Variants in APBB2 observed in about 807,000 individuals in gnomAD.
APBB2 encodes Fe65-like 1.
APBB2 carries 38 observed loss-of-function variants against 82.5 expected under a neutral mutation model. The observed-to-expected ratio is 0.46, with a 90% CI of 0.36 to 0.60. The LOEUF is 0.60. Among genes scored for constraint, APBB2 ranks in the 20% least tolerant of loss-of-function variants. The probability of loss-of-function intolerance (pLI) is 0.00; values close to 1 mark genes in which losing one functional copy is unlikely to be tolerated. For synonymous variants in APBB2, 341 were observed against 368.2 expected, an observed-to-expected ratio of 0.93 and a Z score of 0.85; for missense variants, 772 against 972.3, an observed-to-expected ratio of 0.79 and a Z score of 2.74.
chr4:40,971,584 G>T (rs1419356813), intron 6 of APBB2, among the ~76,000 whole-genome samples: 1 of 152,148 alleles, frequency 6.6e-6, no homozygotes, highest in African/African-American at 2.4e-5. Flanking sequence ...CATGGCTTCT[G>T]CAATATTTTT....
chr4:41,075,812 A>C (rs1735452288), intron 3 of APBB2, among the ~76,000 whole-genome samples: 2 of 152,226 alleles, frequency 1.3e-5, no homozygotes, highest in African/African-American at 4.8e-5. Context: ...ATATTCTCAA[A>C]CCAACAAAAC....
At chr4:40,863,049 G>T (rs974153478) in intron 12 of APBB2, among the ~76,000 whole-genome samples, 22 of 152,158 alleles carry the variant, frequency 1.4e-4, no homozygotes, top group African/African-American at 4.8e-4. Context: ...TGTCAGAGGA[G>T]AAAGTCAGAT....
chr4:40,832,013 TAC>T lies in APBB2; in HGVS notation c.1530-1438_1530-1437del, dbSNP rs1553930075. Among the ~76,000 whole-genome samples the T allele has an allele frequency of 9.1e-3, 1,269 of 138,948 alleles. 22 individuals carry two copies. The highest frequency in any genetic ancestry group is 0.025 in the African/African-American group (926 of 37,124). The allele number at this position is 138,948 out of a possible 152,430, so 91.2% of individuals were successfully genotyped here. A position where few individuals can be genotyped will look rare whatever the true frequency, so the allele number is the denominator to read the frequency against. The stretch of plus-strand genomic sequence containing the variant: ...ACACATATTTATATATTTATTTATA[TAC>T]ACACACACACACACACACACACACA... On this transcript the variant is annotated intron_variant, in intron 12 of 17. Transcript: ENST00000508593. This position sits in a 1 kb window ranked among gnomAD's most constrained non-coding sequence, Gnocchi z 4.8.
intron 1 of APBB2, among the ~76,000 whole-genome samples, chr4:41,183,175 A>G (rs548183672): frequency 1.3e-5 from 2 of 152,094 alleles, no homozygotes; most frequent in Non-Finnish European, 2.9e-5. Context: ...TTATATCTGG[A>G]ACCTGTCCAC....
chr4:41,055,084 T>TG (rs1046532506), intron 4 of APBB2, among the ~76,000 whole-genome samples: 9 of 152,224 alleles, frequency 5.9e-5, no homozygotes, highest in African/African-American at 2.2e-4. Flanking sequence ...TGCTATGCTC[T>TG]GGCCACCCTG....
intron 1 of APBB2, among the ~76,000 whole-genome samples, chr4:41,156,143 G>A (rs1046959658): frequency 6.6e-6 from 1 of 150,554 alleles, no homozygotes; most frequent in African/African-American, 2.4e-5. Flanking sequence ...TATCCACCAA[G>A]TAACATTTGC....
In APBB2 at chr4:40,825,934, T is replaced by C; in HGVS notation, c.1769A>G (p.Lys590Arg). The C allele has an allele frequency of 6.2e-7, 1 of 1,614,182 alleles. No homozygotes were observed. Among genetic ancestry groups the C allele is most frequent in the Non-Finnish European group, 8.5e-7 (1 of 1,180,022 alleles). Residue 590 changes from lysine to arginine, a missense_variant, in exon 15 of 18, where the codon AAG (lysine) becomes AGG (arginine). Transcript: ENST00000508593. ...FPTPKTELVQ[K>R]FHVQYLGMLP... ...CATGCCCAAGTACTGCACGTGGAACTTCTGGACCAGCTCAGTCTTTGGTGT... is the reference window on the plus strand; with the variant it reads ...CATGCCCAAGTACTGCACGTGGAACCTCTGGACCAGCTCAGTCTTTGGTGT...
At chr4:40,984,193 G>A (rs1477235647) in intron 6 of APBB2, among the ~76,000 whole-genome samples, 1 of 152,164 alleles carries the variant, frequency 6.6e-6, no homozygotes, top group Non-Finnish European at 1.5e-5. Flanking sequence ...CCCTTTCTCA[G>A]TAGAAGCAGG....
Position 40,919,097 on chromosome 4 carries a change from G to C in APBB2, c.1254+15359C>G, listed in dbSNP as rs143513161. On this transcript the variant is annotated intron_variant, in intron 10 of 17. Coordinates refer to ENST00000508593, the MANE Select transcript of APBB2 (RefSeq NM_004307.2). ...GAAGGCTGGTAAGATAAACTCAAGA[G>C]GCATCCTTTCCATTGTGGCTGAACC... 6.6e-3 allele frequency among the ~76,000 whole-genome samples: 1,005 copies of C among 152,294 alleles called. 15 individuals carry two copies. Among genetic ancestry groups the C allele is most frequent in the African/African-American group, 0.023 (954 of 41,544 alleles).
chr4:40,951,215 G>A (rs1277288125), intron 6 of APBB2, among the ~76,000 whole-genome samples: 1 of 151,342 alleles, frequency 6.6e-6, no homozygotes, highest in Non-Finnish European at 1.5e-5. Flanking sequence ...CAGGACCATC[G>A]ACGCTCCCTT....
chr4:40,842,941 G>C (rs1171414991), intron 12 of APBB2, among the ~76,000 whole-genome samples: 5 of 152,134 alleles, frequency 3.3e-5, no homozygotes, highest in African/African-American at 1.2e-4. Flanking sequence ...CTCAATGGGG[G>C]AGAGATCAGA....
chr4:41,112,240 G>A (rs149742300), intron 2 of APBB2, among the ~76,000 whole-genome samples: 293 of 152,288 alleles, frequency 1.9e-3, no homozygotes, highest in African/African-American at 6.6e-3. Flanking sequence ...CAAAGCACCC[G>A]ACCTCTCTTC....
At chr4:40,955,066 C>A (rs537463226) in intron 6 of APBB2, among the ~76,000 whole-genome samples, 14 of 152,222 alleles carry the variant, frequency 9.2e-5, no homozygotes, top group Admixed American at 2.6e-4. Context: ...GTACCGATGA[C>A]CTCCTATAAA....
intron 6 of APBB2, among the ~76,000 whole-genome samples, chr4:40,977,152 G>A (rs1472075244): frequency 6.6e-6 from 1 of 152,112 alleles, no homozygotes; most frequent in Non-Finnish European, 1.5e-5. Flanking sequence ...AAGAAACACA[G>A]AGCCAAAGAA....
At chr4:40,863,330 T>A (rs1290402927) in intron 12 of APBB2, among the ~76,000 whole-genome samples, 1 of 152,238 alleles carries the variant, frequency 6.6e-6, no homozygotes, top group Admixed American at 6.5e-5. Context: ...CGGGATGTTT[T>A]GGCAGGACCT....
chr4:40,901,343 C>T (rs1044106107), intron 10 of APBB2, among the ~76,000 whole-genome samples: 1 of 151,812 alleles, frequency 6.6e-6, no homozygotes, highest in African/African-American at 2.4e-5. Flanking sequence ...ATATCATAGC[C>T]AGCTATGCCA....
At chr4:41,115,075 C>T (rs905966067) in intron 2 of APBB2, among the ~76,000 whole-genome samples, 1 of 152,156 alleles carries the variant, frequency 6.6e-6, no homozygotes, top group South Asian at 2.1e-4. Context: ...TCAAACTATA[C>T]TACAAGGCTA....
chr4:40,966,509 T>C (rs1794696371), intron 6 of APBB2, among the ~76,000 whole-genome samples: 1 of 152,168 alleles, frequency 6.6e-6, no homozygotes, highest in African/African-American at 2.4e-5. Flanking sequence ...GCTGCTAATG[T>C]GGACCCAGGC....
At chr4:41,051,272 C>A (rs1725842365) in intron 4 of APBB2, among the ~76,000 whole-genome samples, 1 of 152,200 alleles carries the variant, frequency 6.6e-6, no homozygotes, top group African/African-American at 2.4e-5. Context: ...ACACTGGAGA[C>A]CTTCTGTGGG....
Sources: gnomAD v4.1 joint callset for allele counts (sites outside exome capture counted in the v4.1 genomes callset) on GRCh38, gnomAD v4.1.1 for gene constraint, Gnocchi (gnomAD v3.1) non-coding constraint, MANE v1.5 for transcripts, NCBI Gene and HGNC (gene_info 2026-07-23, HGNC 2026-07-21) for gene names.